WDR1: variants seen among roughly 807,000 people sequenced by gnomAD.
WDR1 encodes the protein WD repeat domain 1.
WDR1 carries 21 observed loss-of-function variants against 71.9 expected under a neutral mutation model. The ratio of observed to expected loss-of-function variants is 0.29; its 90% CI spans 0.21 to 0.42. WDR1 has a LOEUF of 0.42. Among genes scored for constraint, WDR1 ranks in the 10% least tolerant of loss-of-function variants. The pLI is 1.00. For missense variants in WDR1, 696 were observed against 824.5 expected (o/e 0.84, Z 1.91); for synonymous variants, 424 against 347.4 (o/e 1.22, Z -2.45).
intron 2 of WDR1, among the ~76,000 whole-genome samples, chr4:10,111,586 C>A (rs1713366482): frequency 1.3e-5 from 2 of 152,186 alleles, no homozygotes; most frequent in Admixed American, 6.5e-5. Flanking sequence ...GTGGGCAGGG[C>A]CTCCATCCTG....
rs760531520 is a variant in WDR1 at position 10,104,013 on chromosome 4, A to G, written c.139-27T>C. 3.2e-6 allele frequency: 5 copies of G among 1,572,640 alleles called. No individual in the cohort carries two copies. In the Admixed American group the frequency reaches 7.4e-5, roughly 23 times the overall value. ...TGCAGGAGGAGACCCCGGAATGAAC[A>G]GAAGGAATGGAGAAGCAGTCAAGCT... On this transcript the variant is annotated intron_variant, in intron 2 of 14. Transcript: ENST00000499869.
At position 10,116,670 on chromosome 4, in the gene WDR1, C is replaced by T; in HGVS notation, c.-4G>A. ...ACTTACTGATCTCGTACGGCATCCT[C>T]GCCCACTTGTTACCGCGCCGCGCTC... On this transcript the variant is annotated 5_prime_UTR_variant, in exon 1 of 15. Transcript: ENST00000499869. 3 of 1,349,814 alleles carry T rather than the reference C, an allele frequency of 2.2e-6. No homozygotes were observed. Among genetic ancestry groups the T allele is most frequent in the South Asian group, 1.8e-5 (1 of 57,138 alleles). 83.6% of individuals were successfully genotyped at this position (1,349,814 alleles called of 1,614,324 possible). A position where few individuals can be genotyped will look rare whatever the true frequency, so the allele number is the denominator to read the frequency against.
intron 2 of WDR1, among the ~76,000 whole-genome samples, chr4:10,109,719 C>A (rs564615234): frequency 4.6e-5 from 7 of 152,372 alleles, no homozygotes; most frequent in South Asian, 2.1e-4. Flanking sequence ...TCCTACTCCC[C>A]ACCCAGGGCC....
rs1712384964 is a variant in WDR1 at position 10,096,982 on chromosome 4, C to T, written c.558+729G>A. Among the ~76,000 whole-genome samples, 3 of 152,242 alleles carry T rather than the reference C, an allele frequency of 2.0e-5. 1 individual carries two copies. The South Asian group carries it at 6.2e-4, about 31-fold the overall frequency. On this transcript the variant is annotated intron_variant, in intron 5 of 14. Transcript: ENST00000499869. ...AGACTGGCTGCTGGGCTCCTCCCCTCACTCCTACAAAGCTGGGGCAGGAAA... is the reference window on the plus strand; with the variant it reads ...AGACTGGCTGCTGGGCTCCTCCCCTTACTCCTACAAAGCTGGGGCAGGAAA...
chr4:10,113,785 C>A (rs546828357), intron 2 of WDR1, among the ~76,000 whole-genome samples: 1 of 152,166 alleles, frequency 6.6e-6, no homozygotes, highest in Admixed American at 6.5e-5. Flanking sequence ...TAAAATGTGG[C>A]GCAGTAGCGA....
Position 10,086,788 on chromosome 4 carries a change from T to C in WDR1, c.951+919A>G, listed in dbSNP as rs567457492. ...GATGAAGTGCATTGTCCACCTGCCT[T>C]GATATTACAGCTTAGAATAGCAGGA... On this transcript the variant is annotated intron_variant, in intron 8 of 14. Coordinates refer to ENST00000499869, the MANE Select transcript of WDR1 (RefSeq NM_017491.5). Among the ~76,000 whole-genome samples, 9 of 152,250 alleles carry C rather than the reference T, an allele frequency of 5.9e-5. No individual in the cohort carries two copies. The South Asian group carries it at 1.9e-3, about 32-fold the overall frequency.
intron 1 of WDR1, 122 bp downstream of exon 1, chr4:10,116,527 GCC>G: frequency 1.3e-6 from 1 of 782,830 alleles, no homozygotes; most frequent in Non-Finnish European, 1.6e-6. Flanking sequence ...CACGCCTCCG[GCC>G]GGCGCCCGCA....
intron 2 of WDR1, among the ~76,000 whole-genome samples, chr4:10,114,735 C>G (rs1324767491): frequency 6.6e-6 from 1 of 152,186 alleles, no homozygotes; most frequent in Admixed American, 6.5e-5. Context: ...GTGATTTTCT[C>G]CAGTTCTAAG....
chr4:10,079,420 G>A (rs1208320111), intron 11 of WDR1, among the ~76,000 whole-genome samples: 1 of 152,236 alleles, frequency 6.6e-6, no homozygotes, highest in East Asian at 1.9e-4. Flanking sequence ...GGCAGGGATC[G>A]GGTTCCCCGT....
intron 10 of WDR1, among the ~76,000 whole-genome samples, chr4:10,082,057 TG>T (rs1421804278): frequency 6.6e-6 from 1 of 152,156 alleles, no homozygotes; most frequent in East Asian, 1.9e-4. Flanking sequence ...GGCCTTGCCT[TG>T]GGTTATCTGG....
In WDR1 at chr4:10,087,892, T is replaced by C; in HGVS notation, c.766A>G (p.Lys256Glu). ...CTGACGTCCCAAATCTTGGAAGTTT[T>C]GTCCCCAGAAGCAGAAAGCAAATGG... ...STHLLSASGD[K>E]TSKIWDVSVN... Residue 256 changes from lysine (K) to glutamate (E), a missense_variant, in exon 8 of 15, where the codon AAA becomes GAA. By Grantham distance (56) the Lys-to-Glu change is moderately conservative (BLOSUM62 1). Transcript: ENST00000499869. The C allele has an allele frequency of 6.4e-7, 1 of 1,563,468 alleles. No homozygotes were observed. The highest frequency in any genetic ancestry group is 8.7e-7 in the Non-Finnish European group (1 of 1,153,028).
At chr4:10,104,279 A>G (rs539531967) in intron 2 of WDR1, among the ~76,000 whole-genome samples, 13 of 152,324 alleles carry the variant, frequency 8.5e-5, no homozygotes, top group East Asian at 1.9e-4. Context: ...CAGAACAAAT[A>G]TATCAGTGAA....
In WDR1 at chr4:10,097,898, C is replaced by T. The variant is rs1477492363; in HGVS notation, c.378-7G>A. On this transcript the variant is annotated splice_region_variant and splice_polypyrimidine_tract_variant and intron_variant, in intron 4 of 14. Transcript: ENST00000499869. ...GAGGAAGACTGCTCCAAACCTTGAC[C>T]CAATGACACAGGTGGAAGACAAAAA... 2 of 1,541,864 alleles carry T rather than the reference C, an allele frequency of 1.3e-6. No homozygotes were observed. Among genetic ancestry groups the T allele is most frequent in the Middle Eastern group, 1.8e-4 (1 of 5,648 alleles).
intron 4 of WDR1, 121 bp from the exon 5 acceptor site, chr4:10,098,012 C>A (rs1398652588): frequency 3.0e-6 from 3 of 1,014,640 alleles, no homozygotes; most frequent in East Asian, 5.4e-5. Flanking sequence ...TGTCAGCAGG[C>A]AGCTCAGAAC....
intron 5 of WDR1, 142 bp from the exon 6 acceptor site, chr4:10,088,883 A>G: frequency 1.4e-6 from 1 of 707,380 alleles, no homozygotes; most frequent in Non-Finnish European, 2.5e-6. Context: ...CAGAGCTTAA[A>G]AAAACATCCT....
At chr4:10,088,270 C>G (rs983032923) in intron 7 of WDR1, 23 bp downstream of exon 7, 1 of 1,549,032 alleles carries the variant, frequency 6.5e-7, no homozygotes, top group African/African-American at 1.4e-5. Context: ...CACCACTAGG[C>G]CGGGAAACAC....
chr4:10,115,010 T>C lies in WDR1; in HGVS notation c.138+1103A>G, dbSNP rs78506446. ...GAGACCCCTTCATTCCCTCAGCCAG[T>C]TGCTGGCCTCCTGGAGGGCAAGTGT... On this transcript the variant is annotated intron_variant, in intron 2 of 14. Transcript: ENST00000499869. Among the ~76,000 whole-genome samples, 1,332 of 152,324 alleles carry C rather than the reference T, an allele frequency of 8.7e-3. 18 individuals carry two copies. Among genetic ancestry groups the C allele is most frequent in the African/African-American group, 0.03 (1,255 of 41,568 alleles).
At chr4:10,112,153 A>G (rs931627450) in intron 2 of WDR1, among the ~76,000 whole-genome samples, 5 of 152,040 alleles carry the variant, frequency 3.3e-5, no homozygotes, top group African/African-American at 1.2e-4. Context: ...TGCCCTGTTT[A>G]GAATCACAAA....
Position 10,116,798 on chromosome 4 carries a change from G to A in WDR1, c.-132C>T, listed in dbSNP as rs1461808785. On this transcript the variant is annotated 5_prime_UTR_variant, in exon 1 of 15. Transcript: ENST00000499869. ...CGGCACCGGGCGTGCCGGGAGTGGA[G>A]TGGGCGGTCCGAGGCCGGGGCTCAG... The A allele has an allele frequency of 1.1e-5, 12 of 1,099,090 alleles. No homozygotes were observed. Among genetic ancestry groups the A allele is most frequent in the Non-Finnish European group, 1.4e-5 (12 of 874,326 alleles). 68.1% of individuals were successfully genotyped at this position (1,099,090 alleles called of 1,614,324 possible).
Sources: allele counts gnomAD v4.1 joint callset (sites outside exome capture counted in the v4.1 genomes callset), GRCh38; gene constraint gnomAD v4.1.1; transcripts MANE v1.5; gene names NCBI Gene and HGNC (gene_info 2026-07-23, HGNC 2026-07-21).